Variants in KIF16B observed in about 807,000 individuals in gnomAD.
KIF16B encodes kinesin family member 16B.
Under a neutral mutation model 156.3 loss-of-function variants are expected in KIF16B, and 98 were observed. The ratio of observed to expected loss-of-function variants is 0.63; its 90% CI spans 0.53 to 0.74. The LOEUF is 0.74. KIF16B is among the 30% of genes least tolerant of loss of function. The pLI, the probability that KIF16B is intolerant of heterozygous loss-of-function variation, is 0.00. For missense variants in KIF16B, 1,421 were observed against 1,606.5 expected (o/e 0.88, Z 1.97); for synonymous variants, 564 against 583.7 (o/e 0.97, Z 0.49).
intron 1 of KIF16B, among the ~76,000 whole-genome samples, chr20:16,572,424 C>T (rs929823903): frequency 1.3e-5 from 2 of 152,074 alleles, no homozygotes; most frequent in Admixed American, 1.3e-4. Flanking sequence ...GTGAACCTTG[C>T]CTGTCACCTT....
chr20:16,427,473 A>C (rs1272918411), intron 14 of KIF16B, among the ~76,000 whole-genome samples: 1 of 152,118 alleles, frequency 6.6e-6, no homozygotes, highest in African/African-American at 2.4e-5. Context: ...TCTGGACATT[A>C]CCTGTGTAAG....
chr20:16,398,565 A>G (rs2065571295), intron 17 of KIF16B, among the ~76,000 whole-genome samples: 1 of 152,180 alleles, frequency 6.6e-6, no homozygotes, highest in Admixed American at 6.5e-5. Flanking sequence ...GCTCTGCAAC[A>G]TTTGCTGCTC....
At chr20:16,310,864 C>T (rs750503429) in intron 25 of KIF16B, among the ~76,000 whole-genome samples, 1 of 152,094 alleles carries the variant, frequency 6.6e-6, no homozygotes, top group Non-Finnish European at 1.5e-5. Context: ...GGCTGTATCC[C>T]GAAACTCCTC....
chr20:16,389,592 C>T (rs1339432139), intron 17 of KIF16B, among the ~76,000 whole-genome samples: 1 of 152,184 alleles, frequency 6.6e-6, no homozygotes, highest in African/African-American at 2.4e-5. Context: ...AAACTTCAGC[C>T]TTCTCAAGCA....
At chr20:16,507,121 G>A (rs2068806729) in intron 7 of KIF16B, among the ~76,000 whole-genome samples, 1 of 150,892 alleles carries the variant, frequency 6.6e-6, no homozygotes, top group Admixed American at 6.6e-5. Context: ...AAAAATTAGA[G>A]ATGGTAATAT....
chr20:16,413,379 T>C (rs1313534669), intron 15 of KIF16B, among the ~76,000 whole-genome samples: 1 of 152,092 alleles, frequency 6.6e-6, no homozygotes, highest in Non-Finnish European at 1.5e-5. Context: ...CAAACGTTTC[T>C]AGTGATTCCT....
chr20:16,494,953 TA>T (rs1265511606), intron 11 of KIF16B, among the ~76,000 whole-genome samples: 1 of 152,064 alleles, frequency 6.6e-6, no homozygotes, highest in Non-Finnish European at 1.5e-5. Flanking sequence ...CTTAGGGGAG[TA>T]AACACGCTCA....
chr20:16,439,032 G>C (rs2066722380), intron 12 of KIF16B, among the ~76,000 whole-genome samples: 1 of 152,198 alleles, frequency 6.6e-6, no homozygotes, highest in Admixed American at 6.5e-5. Context: ...GCCTCTGTCA[G>C]AACTAAGCTC....
chr20:16,272,947 C>T lies in KIF16B; in HGVS notation c.*306G>A, dbSNP rs2063003223. The T allele has an allele frequency of 1.2e-5, 3 of 253,100 alleles. No individual in the cohort carries two copies. The highest frequency in any genetic ancestry group is 1.2e-3 in the Middle Eastern group (1 of 806). The allele number at this position is 253,100 out of a possible 1,614,324, so 15.7% of individuals were successfully genotyped here. A position where few individuals can be genotyped will look rare whatever the true frequency, so the allele number is the denominator to read the frequency against. On this transcript the variant is annotated 3_prime_UTR_variant, in exon 26 of 26. Transcript: ENST00000354981. Reference sequence around the variant, plus strand: ...CAGGGAACCCACGATGGCCCAACCACATCTATCTTGCCACAGGGGACGAAC... The same window carrying T: ...CAGGGAACCCACGATGGCCCAACCATATCTATCTTGCCACAGGGGACGAAC...
chr20:16,378,672 G>A, intron 19 of KIF16B, 133 bp downstream of exon 19: 1 of 877,566 alleles, frequency 1.1e-6, no homozygotes, highest in South Asian at 2.1e-5. Context: ...ATAAGCATTT[G>A]CCTATGTATT....
At chr20:16,439,111 G>A (rs1297590301) in intron 12 of KIF16B, among the ~76,000 whole-genome samples, 1 of 152,040 alleles carries the variant, frequency 6.6e-6, no homozygotes, top group African/African-American at 2.4e-5. Flanking sequence ...GAATCAAGTG[G>A]GTCAGCCTAG....
intron 20 of KIF16B, among the ~76,000 whole-genome samples, chr20:16,373,924 C>G (rs1047884694): frequency 5.9e-5 from 9 of 152,188 alleles, no homozygotes; most frequent in Non-Finnish European, 1.2e-4. Flanking sequence ...CCGCAGGTTC[C>G]AGAGGGCTAA....
rs1340063492 is a variant in KIF16B at position 16,272,223 on chromosome 20, G to A, written c.*1030C>T. 6.6e-6 allele frequency: 1 copy of A among 152,562 alleles called. No individual in the cohort carries two copies. Among genetic ancestry groups the A allele is most frequent in the Non-Finnish European group, 1.5e-5 (1 of 68,018 alleles). 9.5% of individuals were successfully genotyped at this position (152,562 alleles called of 1,614,324 possible). A position where few individuals can be genotyped will look rare whatever the true frequency, so the allele number is the denominator to read the frequency against. On this transcript the variant is annotated 3_prime_UTR_variant, in exon 26 of 26. Coordinates refer to ENST00000354981, the MANE Select transcript of KIF16B (RefSeq NM_024704.5). ...TTTTGATGGAACTACTGTACAGAAT[G>A]TATACATATATAAATCTATAGATAG...
At chr20:16,382,452 G>A (rs940668511) in intron 17 of KIF16B, among the ~76,000 whole-genome samples, 2 of 152,104 alleles carry the variant, frequency 1.3e-5, no homozygotes, top group Non-Finnish European at 2.9e-5. Context: ...TTTATAGATA[G>A]TTATACTGCA....
chr20:16,501,550 G>GAA (rs2068626469), intron 10 of KIF16B, among the ~76,000 whole-genome samples: 1 of 151,914 alleles, frequency 6.6e-6, no homozygotes, highest in Non-Finnish European at 1.5e-5. Flanking sequence ...ACATCTAGAG[G>GAA]AAAGTCTACA....
chr20:16,389,965 T>C (rs149875704), intron 17 of KIF16B, among the ~76,000 whole-genome samples: 87 of 152,294 alleles, frequency 5.7e-4, no homozygotes, highest in Non-Finnish European at 8.5e-4. Context: ...TCACCCTTTT[T>C]TCAAATCATT....
intron 25 of KIF16B, among the ~76,000 whole-genome samples, chr20:16,276,853 T>C (rs1275950857): frequency 6.6e-6 from 1 of 152,246 alleles, no homozygotes; most frequent in Admixed American, 6.5e-5. Context: ...ACCTTGCTGA[T>C]TTTAATTAGT....
intron 12 of KIF16B, among the ~76,000 whole-genome samples, chr20:16,469,888 C>T (rs6043974): frequency 1.5e-3 from 231 of 152,216 alleles, no homozygotes; most frequent in African/African-American, 5.0e-3. Flanking sequence ...CGTACAGGAG[C>T]TTTACTCATA....
At chr20:16,509,407 T>C (rs146211423) in intron 6 of KIF16B, among the ~76,000 whole-genome samples, 15 of 152,296 alleles carry the variant, frequency 9.8e-5, no homozygotes, top group Admixed American at 2.6e-4. Flanking sequence ...TTGTTCTCCA[T>C]AGAGGGCAAT....
Sources: gnomAD v4.1 joint callset for allele counts (sites outside exome capture counted in the v4.1 genomes callset) on GRCh38, gnomAD v4.1.1 for gene constraint, MANE v1.5 for transcripts, NCBI Gene and HGNC (gene_info 2026-07-23, HGNC 2026-07-21) for gene names.